Variants in TNR observed in about 807,000 individuals in gnomAD.
TNR encodes tenascin R.
A neutral mutation model predicts 150.4 loss-of-function variants in TNR; 45 were observed. The ratio of observed to expected loss-of-function variants is 0.30; its 90% confidence interval spans 0.24 to 0.38. The LOEUF (loss-of-function observed/expected upper bound fraction) is 0.38. Ranked by LOEUF, TNR falls within the 10% of genes least tolerant of loss-of-function variation. The pLI, the probability that TNR is intolerant of heterozygous loss-of-function variation, is 1.00. For synonymous variants in TNR, 687 were observed against 678.4 expected (o/e 1.01, Z -0.20); for missense variants, 1,544 against 1,759.1 (o/e 0.88, Z 2.19).
At chr1:175,580,218 G>A (rs1482750661) in intron 1 of TNR, among the ~76,000 whole-genome samples, 3 of 152,182 alleles carry the variant, frequency 2.0e-5, no homozygotes, top group Non-Finnish European at 4.4e-5. Flanking sequence ...AATGTTTTGT[G>A]CTGTACAACC....
intron 2 of TNR, among the ~76,000 whole-genome samples, chr1:175,527,953 A>G (rs561329523): frequency 3.5e-4 from 53 of 152,350 alleles, no homozygotes; most frequent in Admixed American, 2.0e-3. Context: ...AGGCACAGGC[A>G]GGCTGGGAGT....
chr1:175,615,626 C>A (rs1663750582), intron 1 of TNR, among the ~76,000 whole-genome samples: 2 of 152,162 alleles, frequency 1.3e-5, no homozygotes, highest in Admixed American at 1.3e-4. Flanking sequence ...TCCTGACTCA[C>A]TTTGGCCGGT....
intron 2 of TNR, among the ~76,000 whole-genome samples, chr1:175,482,241 G>T (rs960707208): frequency 6.6e-6 from 1 of 152,160 alleles, no homozygotes; most frequent in South Asian, 2.1e-4. Flanking sequence ...CAAGATGACC[G>T]CATTAATCAG....
intron 1 of TNR, among the ~76,000 whole-genome samples, chr1:175,642,623 A>C (rs892826044): frequency 9.2e-5 from 14 of 152,136 alleles, no homozygotes; most frequent in African/African-American, 3.1e-4. Context: ...AGGCTGTTGT[A>C]ATGTCTGTCA....
chr1:175,355,514 C>T lies in TNR; in HGVS notation c.3238G>A (p.Gly1080Arg), dbSNP rs201888946. Residue 1080 changes from glycine (G) to arginine (R), a missense_variant, in exon 17 of 23, where the codon GGA (glycine) becomes AGA (arginine). Around this residue, in one of 2 missense-constraint regions of TNR, gnomAD observed 290 missense variants for 429.7 expected, o/e 0.67. Transcript: ENST00000367674. ...CAGCAAAATCTCACCTTGCGGCTTC[C>T]ATCGGTGGATTTGTAGGTCAAGACA... ...NYVLTYKSTD[G>R]SRKELIVDAE... 1.5e-5 allele frequency: 25 copies of T among 1,613,892 alleles called. No homozygotes were observed. In the East Asian group the frequency reaches 3.3e-4, roughly 22 times the overall value.
intron 14 of TNR, among the ~76,000 whole-genome samples, chr1:175,360,985 G>T (rs577711495): frequency 6.6e-6 from 1 of 152,314 alleles, no homozygotes; most frequent in East Asian, 1.9e-4. Context: ...TTAAAGGAGG[G>T]CAGTTTGGAT....
intron 2 of TNR, among the ~76,000 whole-genome samples, chr1:175,495,161 C>G (rs1018491625): frequency 6.6e-6 from 1 of 152,168 alleles, no homozygotes; most frequent in African/African-American, 2.4e-5. Context: ...GAGTTGTCCT[C>G]CCAGGCTGCC....
At chr1:175,471,890 A>T (rs112285314) in intron 2 of TNR, among the ~76,000 whole-genome samples, 1 of 152,314 alleles carries the variant, frequency 6.6e-6, no homozygotes, top group Non-Finnish European at 1.5e-5. Flanking sequence ...CACCTGTACA[A>T]AAATATTTTC....
At position 175,363,798 on chromosome 1, in the gene TNR, T is replaced by G. The variant is rs763364526; in HGVS notation, c.2617A>C (p.Ser873Arg). 1 of 1,613,674 alleles carries G rather than the reference T, an allele frequency of 6.2e-7. No individual in the cohort carries two copies. Among genetic ancestry groups the G allele is most frequent in the East Asian group, 2.2e-5 (1 of 44,860 alleles). The change falls in exon 13 of 23, where the codon AGC becomes CGC. Residue 873 changes from serine to arginine, a missense_variant. Transcript: ENST00000367674. ...GIDPPKDITI[S>R]NVTKDSVMVS... Reference sequence around the variant, plus strand: ...ATCACTGAGTCCTTGGTCACATTGCTAATTGTGATGTCTTTTGGGGGATCA... The same window carrying G: ...ATCACTGAGTCCTTGGTCACATTGCGAATTGTGATGTCTTTTGGGGGATCA...
At chr1:175,342,255 G>A (rs1650556916) in intron 18 of TNR, among the ~76,000 whole-genome samples, 1 of 152,204 alleles carries the variant, frequency 6.6e-6, no homozygotes, top group Non-Finnish European at 1.5e-5. Flanking sequence ...ATGCCTGGCT[G>A]GCAAGGACAG....
intron 2 of TNR, among the ~76,000 whole-genome samples, chr1:175,431,713 G>A (rs1210723319): frequency 6.6e-6 from 1 of 151,438 alleles, no homozygotes; most frequent in Non-Finnish European, 1.5e-5. Flanking sequence ...CAGTCACAGA[G>A]AAAGAGTAGT....
rs1653289859 is a variant in TNR at position 175,393,772 on chromosome 1, A to G, written c.1356+8T>C. ...AGTCTGTTTGGCAGTGTAACAGGTG[A>G]GTGTTACCTTTGGAATGAAGCTGAT... On this transcript the variant is annotated splice_region_variant and intron_variant, in intron 6 of 22. Transcript: ENST00000367674. 2 of 1,597,452 alleles carry G rather than the reference A, an allele frequency of 1.3e-6. No individual in the cohort carries two copies. Among genetic ancestry groups the G allele is most frequent in the Non-Finnish European group, 8.6e-7 (1 of 1,164,718 alleles).
At chr1:175,633,558 T>A (rs1386742789) in intron 1 of TNR, among the ~76,000 whole-genome samples, 1 of 152,222 alleles carries the variant, frequency 6.6e-6, no homozygotes, top group Admixed American at 6.5e-5. Context: ...TAATTACAAT[T>A]AATTAAATAT....
intron 2 of TNR, among the ~76,000 whole-genome samples, chr1:175,457,682 C>A (rs527575751): frequency 6.6e-6 from 1 of 152,328 alleles, no homozygotes; most frequent in East Asian, 1.9e-4. Context: ...ATTGACATTG[C>A]ACTTACTTTG....
intron 2 of TNR, among the ~76,000 whole-genome samples, chr1:175,424,260 G>A (rs1654874539): frequency 6.6e-6 from 1 of 152,198 alleles, no homozygotes; most frequent in Non-Finnish European, 1.5e-5. Context: ...ACAGGTCTAA[G>A]GTTGACTTCA....
intron 1 of TNR, among the ~76,000 whole-genome samples, chr1:175,692,762 T>G (rs6678939): frequency 0.6 from 91,772 of 151,864 alleles, 28,672 homozygotes; most frequent in East Asian, 0.96. Flanking sequence ...CAGGCCCTAG[T>G]ATAGGCCCTA....
intron 2 of TNR, among the ~76,000 whole-genome samples, chr1:175,418,916 T>C (rs1654629574): frequency 1.3e-5 from 2 of 152,340 alleles, no homozygotes; most frequent in Admixed American, 6.5e-5. Context: ...GAGCCAGCAA[T>C]GTTTTCAAAG....
chr1:175,693,740 C>G (rs76586646), intron 1 of TNR, among the ~76,000 whole-genome samples: 4,238 of 152,280 alleles, frequency 0.028, 191 homozygotes, highest in African/African-American at 0.096. Flanking sequence ...CCAATCTCAT[C>G]TGATTTGATC....
intron 2 of TNR, among the ~76,000 whole-genome samples, chr1:175,426,835 AT>A (rs1344019849): frequency 9.0e-6 from 1 of 110,802 alleles, no homozygotes; most frequent in Non-Finnish European, 1.7e-5. Context: ...TATAAAATAT[AT>A]TATATATATA....
Sources: allele counts gnomAD v4.1 joint callset (sites outside exome capture counted in the v4.1 genomes callset), GRCh38; gene constraint gnomAD v4.1.1; regional missense constraint gnomAD v4.1.1; transcripts MANE v1.5; gene names NCBI Gene and HGNC (gene_info 2026-07-23, HGNC 2026-07-21).